The following TRIM33 variants were observed in gnomAD, a reference collection of about 807,000 sequenced individuals.
TRIM33 encodes tripartite motif containing 33, also known as E3 ubiquitin-protein ligase TRIM33.
A neutral mutation model predicts 125.4 loss-of-function variants in TRIM33; 20 were observed. That is an observed-to-expected ratio of 0.16 (90% CI 0.11 to 0.23). TRIM33 has a LOEUF of 0.23. Ranked by LOEUF, TRIM33 falls within the 10% of genes least tolerant of loss-of-function variation. TRIM33 has a pLI of 1.00. For synonymous variants in TRIM33, 564 were observed against 513.9 expected (o/e 1.10, Z -1.32); for missense variants, 920 against 1,411.4 (o/e 0.65, Z 5.58).
At chr1:114,501,138 C>T (rs1450403571) in intron 1 of TRIM33, among the ~76,000 whole-genome samples, 1 of 62,308 alleles carries the variant, frequency 1.6e-5, no homozygotes, top group Non-Finnish European at 3.3e-5. Context: ...TGCAGTGAGC[C>T]GAGATCCCGC....
At chr1:114,491,752 C>T (rs1262351066) in intron 1 of TRIM33, among the ~76,000 whole-genome samples, 1 of 151,986 alleles carries the variant, frequency 6.6e-6, no homozygotes, top group South Asian at 2.1e-4. Context: ...TGCAGTAAGC[C>T]GTAACTGGGC....
At position 114,393,700 on chromosome 1, in the gene TRIM33, GA is replaced by G. The variant is rs1651400334; in HGVS notation, c.*3947del. 1 of 213,774 alleles carries G rather than the reference GA, an allele frequency of 4.7e-6. No individual in the cohort carries two copies. The highest frequency in any genetic ancestry group is 9.5e-6 in the Non-Finnish European group (1 of 105,608). 13.2% of individuals were successfully genotyped at this position (213,774 alleles called of 1,614,324 possible). ...ATATTCAAGAGTACGTGTTGAATCTGAAATGTCTATGTAAACTGTGGCATAT... is the reference window on the plus strand; with the variant it reads ...ATATTCAAGAGTACGTGTTGAATCTGAATGTCTATGTAAACTGTGGCATAT... On this transcript the variant is annotated 3_prime_UTR_variant, in exon 20 of 20. Transcript: ENST00000358465.
chr1:114,460,950 T>C (rs1649943783), intron 4 of TRIM33, among the ~76,000 whole-genome samples: 2 of 152,182 alleles, frequency 1.3e-5, no homozygotes, highest in Non-Finnish European at 2.9e-5. Context: ...GTTAAATGCT[T>C]CCCTGAGTTC....
chr1:114,461,921 T>C (rs1291805572), intron 4 of TRIM33, among the ~76,000 whole-genome samples: 2 of 152,182 alleles, frequency 1.3e-5, no homozygotes, highest in Non-Finnish European at 2.9e-5. Flanking sequence ...CTGTGAGAGA[T>C]ACCTTGAAAA....
Position 114,511,001 on chromosome 1 carries a change from C to T in TRIM33, c.76G>A (p.Ala26Thr). The T allele has an allele frequency of 1.5e-6, 2 of 1,333,818 alleles. No individual in the cohort carries two copies. Among genetic ancestry groups the T allele is most frequent in the African/African-American group, 1.5e-5 (1 of 64,794 alleles). 82.6% of individuals were successfully genotyped at this position (1,333,818 alleles called of 1,614,324 possible). The change falls in exon 1 of 20, where the codon GCC becomes ACC. Residue 26 changes from alanine (A) to threonine (T), a missense_variant. Ala to Thr is a moderately conservative substitution (Grantham distance 58). This residue lies in a region of TRIM33 where 233 missense variants were observed against 189.6 expected (regional missense o/e 1.23). Coordinates refer to ENST00000358465, the MANE Select transcript of TRIM33 (RefSeq NM_015906.4). ...GSGSAPVTAG[A>T]AGPAAQEAEP... ...GCCTCCTGCGCGGCGGGCCCGGCGG[C>T]CCCGGCAGTTACCGGCGCGCTGCCG...
chr1:114,490,404 T>C lies in TRIM33; in HGVS notation c.526+20147A>G, dbSNP rs574713411. 9.9e-5 allele frequency among the ~76,000 whole-genome samples: 15 copies of C among 152,276 alleles called. No individual in the cohort carries two copies. In the East Asian group the frequency reaches 2.7e-3, roughly 27 times the overall value. On this transcript the variant is annotated intron_variant, in intron 1 of 19. Transcript: ENST00000358465. ...AAGATAACAATTGTTGGCAACATTA[T>C]AGAGAAACTGGAACCCTCATACATA...
chr1:114,504,867 A>C (rs897405376), intron 1 of TRIM33, among the ~76,000 whole-genome samples: 1 of 152,228 alleles, frequency 6.6e-6, no homozygotes, highest in Non-Finnish European at 1.5e-5. Context: ...TGTACATATC[A>C]GTAGACATCA....
rs1485806951 is a variant in TRIM33 at position 114,511,186 on chromosome 1, C to G, written c.-110G>C. ...CCGCAGCAAGAGCGGCAGCCGAGAG[C>G]TAGCGAGAGAGCGAACCAACGAGAG... On this transcript the variant is annotated 5_prime_UTR_variant, in exon 1 of 20. Coordinates refer to ENST00000358465, the MANE Select transcript of TRIM33 (RefSeq NM_015906.4). The G allele has an allele frequency of 2.0e-6, 2 of 997,414 alleles. No homozygotes were observed. Among genetic ancestry groups the G allele is most frequent in the Non-Finnish European group, 2.4e-6 (2 of 827,766 alleles). The allele number at this position is 997,414 out of a possible 1,614,324, so 61.8% of individuals were successfully genotyped here. A position where few individuals can be genotyped will look rare whatever the true frequency, so the allele number is the denominator to read the frequency against.
At chr1:114,479,919 G>A (rs865940229) in intron 1 of TRIM33, among the ~76,000 whole-genome samples, 4 of 147,392 alleles carry the variant, frequency 2.7e-5, no homozygotes, top group Admixed American at 1.3e-4. Flanking sequence ...GCCTCTGCCC[G>A]GCCGCCCCTG....
At position 114,421,474 on chromosome 1, in the gene TRIM33, C is replaced by G; in HGVS notation, c.2023G>C (p.Glu675Gln). 6.2e-7 allele frequency: 1 copy of G among 1,614,056 alleles called. No individual in the cohort carries two copies. The highest frequency in any genetic ancestry group is 8.5e-7 in the Non-Finnish European group (1 of 1,180,004). Reference protein sequence around the residue: ...IELIPSVTNPENLPSLPDIPP... With the variant: ...IELIPSVTNPQNLPSLPDIPP... ...ATATCTGGCAGCGATGGAAGGTTTT[C>G]TGGATTGGTAACTGAGGGGATTAGC... Residue 675 changes from glutamate (E) to glutamine (Q), a missense_variant, in exon 11 of 20, where the codon GAA becomes CAA. This residue lies in a region of TRIM33 where 407 missense variants were observed against 589.7 expected (regional missense o/e 0.69). Transcript: ENST00000358465.
chr1:114,412,478 T>G (rs1572021769), intron 11 of TRIM33, among the ~76,000 whole-genome samples: 2 of 152,196 alleles, frequency 1.3e-5, no homozygotes. Flanking sequence ...AGTGAACAGA[T>G]CATATCTATC....
chr1:114,492,709 T>C (rs1007322658), intron 1 of TRIM33, among the ~76,000 whole-genome samples: 1 of 152,214 alleles, frequency 6.6e-6, no homozygotes, highest in African/African-American at 2.4e-5. Flanking sequence ...ATTTCACTTA[T>C]GTTTGCAAGG....
intron 1 of TRIM33, among the ~76,000 whole-genome samples, chr1:114,490,527 ACT>A (rs1444618929): frequency 1.3e-5 from 2 of 152,170 alleles, no homozygotes; most frequent in Non-Finnish European, 2.9e-5. Context: ...CAGCAATTGC[ACT>A]CTCAAGTATA....
chr1:114,435,712 C>T (rs879614309), intron 4 of TRIM33, among the ~76,000 whole-genome samples: 10 of 151,676 alleles, frequency 6.6e-5, no homozygotes, highest in Admixed American at 1.3e-4. Flanking sequence ...GTAAAATATA[C>T]GTAGTAAAAT....
rs1557849308 is a variant in TRIM33, at chr1:114,413,603, A to ATTTC, written c.2062-3288_2062-3287insGAAA. Among the ~76,000 whole-genome samples the ATTTC allele has an allele frequency of 1.4e-4, 20 of 147,262 alleles. 1 individual carries two copies. The highest frequency in any genetic ancestry group is 5.1e-4 in the African/African-American group (20 of 39,306). On this transcript the variant is annotated intron_variant, in intron 11 of 19. Transcript: ENST00000358465. Reference sequence around the variant, plus strand: ...AGAAAAGAAAAAGACTTTTTCTGAAAAGAAAAAGTCCAAAAGCAAAACTGT... The same window carrying ATTTC: ...AGAAAAGAAAAAGACTTTTTCTGAAATTTCAGAAAAAGTCCAAAAGCAAAACTGT...
At chr1:114,398,898 C>CAAAAAAA (rs372853872) in intron 18 of TRIM33, among the ~76,000 whole-genome samples, 1 of 60,768 alleles carries the variant, frequency 1.6e-5, no homozygotes, top group African/African-American at 7.2e-5. Context: ...AACTTACCCT[C>CAAAAAAA]AAAAAAAAAA....
At chr1:114,468,767 C>CA in intron 1 of TRIM33, 1 of 377,102 alleles carries the variant, frequency 2.7e-6, no homozygotes, top group South Asian at 2.2e-5. Flanking sequence ...ATGAAGACAG[C>CA]AAAAAAGATG....
At position 114,396,296 on chromosome 1, in the gene TRIM33, A is replaced by AAGGTGGGTTTACTGG. The variant is rs1444705067; in HGVS notation, c.*1351_*1352insCCAGTAAACCCACCT. The stretch of plus-strand genomic sequence containing the variant: ...CTCGGGTGCTGTAATTGGGGTGGTA[A>AAGGTGGGTTTACTGG]AGGTGGGTTTACTCCAGTAACCATT... On this transcript the variant is annotated 3_prime_UTR_variant, in exon 20 of 20. Transcript: ENST00000358465. The AAGGTGGGTTTACTGG allele has an allele frequency of 2.4e-5, 5 of 205,252 alleles. No individual in the cohort carries two copies. The highest frequency in any genetic ancestry group is 5.0e-5 in the Non-Finnish European group (5 of 99,874). The allele number at this position is 205,252 out of a possible 1,614,324, so 12.7% of individuals were successfully genotyped here.
intron 4 of TRIM33, among the ~76,000 whole-genome samples, chr1:114,450,445 C>T (rs898219698): frequency 2.0e-5 from 3 of 152,174 alleles, no homozygotes; most frequent in South Asian, 4.1e-4. Flanking sequence ...GATTCTCGTG[C>T]GTCAGCCTCC....
Sources: allele counts gnomAD v4.1 joint callset (sites outside exome capture counted in the v4.1 genomes callset), GRCh38; gene constraint gnomAD v4.1.1; regional missense constraint gnomAD v4.1.1; transcripts MANE v1.5; gene names NCBI Gene and HGNC (gene_info 2026-07-23, HGNC 2026-07-21).